Variants in CDK12 observed in about 807,000 individuals in gnomAD.
CDK12 encodes the protein cyclin dependent kinase 12, also known as cyclin-dependent kinase 12.
A neutral mutation model predicts 133.8 loss-of-function variants in CDK12; 17 were observed. The ratio of observed to expected loss-of-function variants is 0.13; its 90% CI spans 0.09 to 0.19. CDK12 has a LOEUF of 0.19. Ranked by LOEUF, CDK12 falls within the 10% of genes least tolerant of loss-of-function variation. The probability of loss-of-function intolerance (pLI) is 1.00; values close to 1 mark genes in which losing one functional copy is unlikely to be tolerated. For synonymous variants in CDK12, 694 were observed against 683.6 expected, an observed-to-expected ratio of 1.02 and a Z score of -0.24; for missense variants, 1,508 against 1,818.7, an observed-to-expected ratio of 0.83 and a Z score of 3.11.
intron 2 of CDK12, among the ~76,000 whole-genome samples, chr17:39,475,468 TTAAAAA>T (rs1488439113): frequency 6.6e-6 from 1 of 152,078 alleles, no homozygotes; most frequent in African/African-American, 2.4e-5. Flanking sequence ...GACCCTGTCT[TTAAAAA>T]TAAAATTTTA....
At position 39,530,478 on chromosome 17, in the gene CDK12, G is replaced by A. The variant is rs147659673; in HGVS notation, c.3761-126G>A. The A allele has an allele frequency of 2.2e-3, 3,016 of 1,354,494 alleles. 3 individuals carry two copies. The highest frequency in any genetic ancestry group is 3.2e-3 in the Admixed American group (119 of 37,380). 83.9% of individuals were successfully genotyped at this position (1,354,494 alleles called of 1,614,324 possible). ...TATAATTGCAATTTTCTGATCCCAA[G>A]ATTTTATTCTTTATATATCTGGTTA... On this transcript the variant is annotated intron_variant, in intron 13 of 13. Transcript: ENST00000447079.
Position 39,461,716 on chromosome 17 carries a change from C to T in CDK12, c.-356C>T. The T allele has an allele frequency of 3.0e-6, 1 of 329,860 alleles. No individual in the cohort carries two copies. Among genetic ancestry groups the T allele is most frequent in the Non-Finnish European group, 5.7e-6 (1 of 176,840 alleles). The allele number at this position is 329,860 out of a possible 1,614,324, so 20.4% of individuals were successfully genotyped here. A position where few individuals can be genotyped will look rare whatever the true frequency, so the allele number is the denominator to read the frequency against. ...CCTCGCAGGGCCCCAGAGCTGGAGT[C>T]GGCTCCACAGCCCCGGGCCGTCGGC... On this transcript the variant is annotated 5_prime_UTR_variant, in exon 1 of 14. Transcript: ENST00000447079.
At chr17:39,543,439 A>C (rs1019649954), upstream of CDK12, among the ~76,000 whole-genome samples, 2 of 152,306 alleles carry the variant, frequency 1.3e-5, no homozygotes, top group Admixed American at 6.5e-5. Flanking sequence ...CTCTGAGCAT[A>C]TGAGTCTGGG....
intron 11 of CDK12, among the ~76,000 whole-genome samples, chr17:39,521,790 G>A (rs2054188533): frequency 1.3e-5 from 2 of 151,938 alleles, no homozygotes; most frequent in South Asian, 4.1e-4. Context: ...TCAAACTCCT[G>A]ACTTCAGGTG....
At chr17:39,480,112 C>T (rs1054648105) in intron 2 of CDK12, among the ~76,000 whole-genome samples, 9 of 151,860 alleles carry the variant, frequency 5.9e-5, no homozygotes, top group South Asian at 2.1e-4. Flanking sequence ...TTAGTAGAGA[C>T]GGGGTTTTAC....
At chr17:39,563,849 C>CT (rs2056479335) in intron 3 of CDK12, among the ~76,000 whole-genome samples, 1 of 152,176 alleles carries the variant, frequency 6.6e-6, no homozygotes, top group African/African-American at 2.4e-5. Flanking sequence ...TTCTAACACT[C>CT]TGCTTGTGGT....
In CDK12 at chr17:39,512,348, A is replaced by G. The variant is rs538767160; in HGVS notation, c.2768+718A>G. The stretch of plus-strand genomic sequence containing the variant: ...GGGTAGTAGACCCTGAAACTACTTT[A>G]CAGTTTGTTTTGAGTACTTCTAACA... On this transcript the variant is annotated intron_variant, in intron 8 of 13. Transcript: ENST00000447079. 1.1e-4 allele frequency among the ~76,000 whole-genome samples: 16 copies of G among 152,290 alleles called. 1 individual carries two copies. Among genetic ancestry groups the G allele is most frequent in the South Asian group, 6.2e-4 (3 of 4,824 alleles).
chr17:39,474,496 G>A (rs1269220566), intron 2 of CDK12, among the ~76,000 whole-genome samples: 2 of 152,008 alleles, frequency 1.3e-5, no homozygotes, highest in Non-Finnish European at 2.9e-5. Context: ...TTTATTTTTT[G>A]TAGACATGGG....
downstream of CDK12, among the ~76,000 whole-genome samples, chr17:39,565,535 G>C (rs1043818346): frequency 2.6e-5 from 4 of 152,080 alleles, no homozygotes; most frequent in Non-Finnish European, 2.9e-5. Flanking sequence ...CCAGGTTCAA[G>C]CGATTCTTCT....
At chr17:39,553,478 T>C (rs891652199) in intron 2 of CDK12, among the ~76,000 whole-genome samples, 7 of 152,184 alleles carry the variant, frequency 4.6e-5, no homozygotes, top group Admixed American at 3.9e-4. Context: ...CATCCTCTCC[T>C]GCTTCCTTGA....
chr17:39,463,241 C>A, intron 1 of CDK12, 124 bp downstream of exon 1: 1 of 819,668 alleles, frequency 1.2e-6, no homozygotes, highest in Non-Finnish European at 1.9e-6. Flanking sequence ...TTGCTGTTGG[C>A]TAGTCATTCC....
intron 2 of CDK12, among the ~76,000 whole-genome samples, chr17:39,481,091 T>A (rs982120924): frequency 2.0e-4 from 31 of 151,642 alleles, no homozygotes; most frequent in Non-Finnish European, 4.1e-4. Flanking sequence ...CCGTCTCTAC[T>A]AAAAGTACAA....
At chr17:39,515,606 C>T (rs2053752857) in intron 8 of CDK12, 125 bp from the exon 9 acceptor site, 1 of 611,504 alleles carries the variant, frequency 1.6e-6, no homozygotes, top group Non-Finnish European at 2.9e-6. Flanking sequence ...GAAACTCAGA[C>T]ACTGAAATTT....
intron 7 of CDK12, among the ~76,000 whole-genome samples, 193 bp downstream of exon 7, chr17:39,509,954 A>G (rs879747023): frequency 6.6e-6 from 1 of 151,856 alleles, no homozygotes; most frequent in Non-Finnish European, 1.5e-5. Context: ...GGTGGGTGCC[A>G]TCACACCTGG....
upstream of CDK12, among the ~76,000 whole-genome samples, chr17:39,544,968 C>T (rs2055615333): frequency 6.6e-6 from 1 of 152,146 alleles, no homozygotes; most frequent in Non-Finnish European, 1.5e-5. Context: ...TCCGAAAGAT[C>T]TCCAGAGGAG....
intron 3 of CDK12, among the ~76,000 whole-genome samples, chr17:39,562,267 A>G (rs2056400796): frequency 6.6e-6 from 1 of 152,152 alleles, no homozygotes; most frequent in Non-Finnish European, 1.5e-5. Context: ...TAGGCACCAC[A>G]CTTTATCATC....
intron 3 of CDK12, chr17:39,564,746 T>C (rs1234940387): frequency 6.6e-6 from 1 of 152,230 alleles, no homozygotes; most frequent in Non-Finnish European, 1.5e-5. Context: ...AAACCCTGTC[T>C]TGGGTTCCCT....
At chr17:39,534,906 G>A (rs1315643292), downstream of CDK12, 7 of 152,544 alleles carry the variant, frequency 4.6e-5, no homozygotes, top group Admixed American at 2.0e-4. Context: ...AGGGAAGTTG[G>A]TAAGAGGCTG....
chr17:39,548,541 TA>T (rs1388929201), upstream of CDK12, among the ~76,000 whole-genome samples: 1 of 152,216 alleles, frequency 6.6e-6, no homozygotes, highest in Non-Finnish European at 1.5e-5. Flanking sequence ...GAGAAAGTGT[TA>T]GGGGTGACTG....
Sources: gnomAD v4.1 joint callset for allele counts (sites outside exome capture counted in the v4.1 genomes callset) on GRCh38, gnomAD v4.1.1 for gene constraint, MANE v1.5 for transcripts, NCBI Gene and HGNC (gene_info 2026-07-23, HGNC 2026-07-21) for gene names.